SPTA1: variants seen among roughly 807,000 people sequenced by gnomAD.
The protein encoded by SPTA1 is spectrin alpha, erythrocytic 1, also known as spectrin alpha chain, erythrocytic 1.
A neutral mutation model predicts 324.7 loss-of-function variants in SPTA1; 177 were observed. The ratio of observed to expected loss-of-function variants is 0.55; its 90% CI spans 0.48 to 0.62. SPTA1 has a LOEUF of 0.62. Ranked by LOEUF, SPTA1 falls within the 20% of genes least tolerant of loss-of-function variation. The pLI, the probability that SPTA1 is intolerant of heterozygous loss-of-function variation, is 0.00. For synonymous variants in SPTA1, 1,195 were observed against 1,041.3 expected (o/e 1.15, Z -2.84); for missense variants, 3,162 against 2,883.6 (o/e 1.10, Z -2.21).
In SPTA1 at chr1:158,638,157, C is replaced by T; in HGVS notation, c.5065G>A (p.Asp1689Asn). 6.2e-7 allele frequency: 1 copy of T among 1,613,954 alleles called. No individual in the cohort carries two copies. The highest frequency in any genetic ancestry group is 8.5e-7 in the Non-Finnish European group (1 of 1,179,960). ...TTCAGGAAACGCTTGTTGACATTAT[C>T]TTTTTTCTTCACAATCTGATCAACG... is the stretch of plus-strand genomic sequence containing the variant. ...FNVDQIVKKK[D>N]NVNKRFLNVQ... Residue 1689 changes from aspartate (D) to asparagine (N), a missense_variant, in exon 36 of 52, where the codon GAT becomes AAT. By Grantham distance (23) the Asp-to-Asn change is conservative. Coordinates refer to ENST00000643759, the MANE Select transcript of SPTA1 (RefSeq NM_003126.4).
intron 10 of SPTA1, among the ~76,000 whole-genome samples, 197 bp from the exon 11 acceptor site, chr1:158,672,393 A>T (rs780737562): frequency 6.6e-6 from 1 of 152,220 alleles, no homozygotes; most frequent in Non-Finnish European, 1.5e-5. Context: ...GTAAAACACT[A>T]TATGTATAAG....
At chr1:158,641,596 A>C (rs1439735215) in intron 33 of SPTA1, among the ~76,000 whole-genome samples, 2 of 152,252 alleles carry the variant, frequency 1.3e-5, no homozygotes, top group Non-Finnish European at 2.9e-5. Flanking sequence ...AATGCAAATC[A>C]AAACCACAAT....
chr1:158,642,361 T>G, intron 33 of SPTA1, 50 bp downstream of exon 33: 1 of 1,582,384 alleles, frequency 6.3e-7, no homozygotes, highest in African/African-American at 1.3e-5. Flanking sequence ...AAAGAGTAAA[T>G]GATTCCTCTT....
intron 49 of SPTA1, 145 bp downstream of exon 49, chr1:158,614,108 A>G (rs1649414340): frequency 1.2e-6 from 1 of 806,432 alleles, no homozygotes; most frequent in Non-Finnish European, 2.0e-6. Flanking sequence ...AATCTCACAG[A>G]AAGCCATGAC....
intron 6 of SPTA1, 91 bp from the exon 7 acceptor site, chr1:158,677,925 G>A: frequency 6.6e-7 from 1 of 1,512,984 alleles, no homozygotes; most frequent in East Asian, 2.3e-5. Context: ...GACCATCCTA[G>A]TTGACCCAGG....
At chr1:158,612,548 A>T (rs1407884343) in intron 51 of SPTA1, 1 of 424,186 alleles carries the variant, frequency 2.4e-6, no homozygotes, top group East Asian at 4.8e-5. Flanking sequence ...TGCTCTTTGA[A>T]TTAATGAGGA....
intron 39 of SPTA1, among the ~76,000 whole-genome samples, chr1:158,633,518 T>G (rs1052153227): frequency 6.6e-6 from 1 of 151,504 alleles, no homozygotes; most frequent in African/African-American, 2.4e-5. Flanking sequence ...AAAATTAGCC[T>G]GGCGTGGTGG....
rs766464890 is a variant in SPTA1 at position 158,613,875 on chromosome 1, A to G, written c.6843-8T>C. The G allele has an allele frequency of 2.5e-5, 41 of 1,612,928 alleles. No homozygotes were observed. The Middle Eastern group carries it at 8.3e-4, about 33-fold the overall frequency. ...AAATTCTCATCAAAGTGTCTAAAGG[A>G]TAAAAAAAGAAAAAAAAATTTATCA... is the stretch of plus-strand genomic sequence containing the variant. On this transcript the variant is annotated splice_polypyrimidine_tract_variant and splice_region_variant and intron_variant, in intron 49 of 51. Transcript: ENST00000643759.
chr1:158,636,684 T>C lies in SPTA1; in HGVS notation c.5267A>G (p.Lys1756Arg), dbSNP rs780849560. 8.7e-6 allele frequency: 14 copies of C among 1,614,006 alleles called. No homozygotes were observed. The South Asian group carries it at 1.4e-4, about 16-fold the overall frequency. ...GGCCACCAGCTCCCCCTCTAGGCGTTTGTGCTTCTTCAGCAAGTTCTGAAC... is the reference window on the plus strand; with the variant it reads ...GGCCACCAGCTCCCCCTCTAGGCGTCTGTGCTTCTTCAGCAAGTTCTGAAC... ...QGVQNLLKKH[K>R]RLEGELVAHE... The change falls in exon 37 of 52, where the codon AAA (lysine) becomes AGA (arginine). Residue 1756 changes from lysine to arginine, a missense_variant. By Grantham distance (26) the Lys-to-Arg change is conservative. Coordinates refer to ENST00000643759, the MANE Select transcript of SPTA1 (RefSeq NM_003126.4).
chr1:158,642,592 C>A, intron 32 of SPTA1, 50 bp from the exon 33 acceptor site: 3 of 1,607,956 alleles, frequency 1.9e-6, no homozygotes, highest in Non-Finnish European at 2.6e-6. Context: ...TTTATGGTGA[C>A]AAGATAAGGT....
At chr1:158,641,068 C>T (rs1486950238) in intron 33 of SPTA1, among the ~76,000 whole-genome samples, 1 of 152,164 alleles carries the variant, frequency 6.6e-6, no homozygotes, top group Non-Finnish European at 1.5e-5. Flanking sequence ...AAAGGATTCC[C>T]TATTTAATAA....
chr1:158,615,168 C>G (rs760603994), intron 48 of SPTA1, 48 bp downstream of exon 48: 2 of 1,609,570 alleles, frequency 1.2e-6, no homozygotes, highest in South Asian at 2.2e-5. Context: ...GTCCTAACAC[C>G]TAACACCACC....
At chr1:158,674,079 T>G (rs1654226179) in intron 10 of SPTA1, among the ~76,000 whole-genome samples, 1 of 152,184 alleles carries the variant, frequency 6.6e-6, no homozygotes, top group Non-Finnish European at 1.5e-5. Flanking sequence ...ATGCATCGTA[T>G]GCAAATATTA....
At chr1:158,669,640 C>T in intron 13 of SPTA1, 69 bp downstream of exon 13, 1 of 1,613,520 alleles carries the variant, frequency 6.2e-7, no homozygotes, top group Non-Finnish European at 8.5e-7. Flanking sequence ...ACCCTGGTCA[C>T]CATGCCCACC....
At chr1:158,684,231 G>A (rs916573616) in intron 2 of SPTA1, among the ~76,000 whole-genome samples, 41 of 151,904 alleles carry the variant, frequency 2.7e-4, no homozygotes, top group African/African-American at 9.7e-4. Context: ...TAGAACTTGA[G>A]ACCCATGAAC....
In SPTA1 at chr1:158,634,578, G is replaced by C; in HGVS notation, c.5530C>G (p.Arg1844Gly). The stretch of plus-strand genomic sequence containing the variant: ...GCTAATGTATCTCCACAATCTCCTC[G>C]GACAGCCAAAGCATTCTTTTCATTG... ...WINEKNALAVRGDCGDTLAAT... is the reference protein window; with the variant it reads ...WINEKNALAVGGDCGDTLAAT... The change falls in exon 39 of 52, where the codon CGA (arginine) becomes GGA (glycine). Residue 1844 changes from arginine (R) to glycine (G), a missense_variant. Physicochemically the swap from Arg to Gly is moderately radical, Grantham distance 125. Coordinates refer to ENST00000643759, the MANE Select transcript of SPTA1 (RefSeq NM_003126.4). 1 of 1,613,936 alleles carries C rather than the reference G, an allele frequency of 6.2e-7. No homozygotes were observed. The highest frequency in any genetic ancestry group is 8.5e-7 in the Non-Finnish European group (1 of 1,179,988).
intron 50 of SPTA1, among the ~76,000 whole-genome samples, chr1:158,613,388 G>T (rs1649371925): frequency 6.6e-6 from 1 of 151,736 alleles, no homozygotes; most frequent in South Asian, 2.1e-4. Context: ...CCCATGTGTT[G>T]GTCTCTGAAT....
At chr1:158,684,796 T>TA (rs377297347) in intron 2 of SPTA1, among the ~76,000 whole-genome samples, 5 of 152,184 alleles carry the variant, frequency 3.3e-5, no homozygotes, top group Non-Finnish European at 5.9e-5. Context: ...GGTTAATGAT[T>TA]AAAAAATGTA....
intron 23 of SPTA1, among the ~76,000 whole-genome samples, chr1:158,652,207 A>T (rs1017421931): frequency 6.6e-6 from 1 of 152,146 alleles, no homozygotes; most frequent in African/African-American, 2.4e-5. Flanking sequence ...GTTGTGAAGA[A>T]TTCAGGAAGA....
Sources: gnomAD v4.1 joint callset for allele counts (sites outside exome capture counted in the v4.1 genomes callset) on GRCh38, gnomAD v4.1.1 for gene constraint, MANE v1.5 for transcripts, NCBI Gene and HGNC (gene_info 2026-07-23, HGNC 2026-07-21) for gene names.